RPH3AL: variants seen among roughly 807,000 people sequenced by gnomAD.
RPH3AL encodes the protein rab effector Noc2.
Under a neutral mutation model 43.1 loss-of-function variants are expected in RPH3AL, and 38 were observed. The observed-to-expected ratio is 0.88, with a 90% CI of 0.68 to 1.15. RPH3AL has a LOEUF of 1.15. RPH3AL is among the 50% of genes most tolerant of loss of function. RPH3AL has a pLI of 0.00. For synonymous variants in RPH3AL, 189 were observed against 176.3 expected (o/e 1.07, Z -0.57); for missense variants, 462 against 423.2 (o/e 1.09, Z -0.81).
intron 6 of RPH3AL, among the ~76,000 whole-genome samples, chr17:268,422 A>C (rs1281184839): frequency 1.3e-5 from 2 of 152,150 alleles, no homozygotes; most frequent in Non-Finnish European, 2.9e-5. Flanking sequence ...AATATAGTAT[A>C]TAATGCATAT....
rs1326464240 is a variant in RPH3AL at position 246,713 on chromosome 17, G to A, written c.613+398C>T. On this transcript the variant is annotated intron_variant, in intron 7 of 9. Coordinates refer to ENST00000331302, the MANE Select transcript of RPH3AL (RefSeq NM_006987.4). The surrounding 1 kb of genome is among the most constrained non-coding windows in gnomAD (Gnocchi z 4.8). ...GGGAAGCCAGGAGTCCTCCCTTACC[G>A]AGACACAAGGCAAGTGCCAGGAAGA... 3.3e-5 allele frequency among the ~76,000 whole-genome samples: 5 copies of A among 152,148 alleles called. No individual in the cohort carries two copies. Among genetic ancestry groups the A allele is most frequent in the African/African-American group, 4.8e-5 (2 of 41,456 alleles).
intron 5 of RPH3AL, among the ~76,000 whole-genome samples, chr17:316,334 C>T (rs1190015943): frequency 6.6e-6 from 1 of 151,374 alleles, no homozygotes; most frequent in Non-Finnish European, 1.5e-5. Context: ...TGCTCCACCT[C>T]CACTGACCTG....
intron 5 of RPH3AL, among the ~76,000 whole-genome samples, chr17:316,233 GC>G (rs113721334): frequency 0.043 from 2,283 of 52,538 alleles, 52 homozygotes; most frequent in Middle Eastern, 0.095. Flanking sequence ...TAGTCCCTGT[GC>G]CCCCACCTCC....
At chr17:311,645 A>G (rs9905262) in intron 5 of RPH3AL, among the ~76,000 whole-genome samples, 118,918 of 152,210 alleles carry the variant, frequency 0.78, 46,594 homozygotes, top group Non-Finnish European at 0.8. Flanking sequence ...CGAAGCGATC[A>G]AGAAAGACAT....
At chr17:324,698 G>T (rs72806075) in intron 3 of RPH3AL, among the ~76,000 whole-genome samples, 11,664 of 130,616 alleles carry the variant, frequency 0.089, 560 homozygotes, top group African/African-American at 0.16. Context: ...TATCTAGCTA[G>T]CTAGCTATGT....
chr17:321,789 C>T (rs1176424571), intron 3 of RPH3AL, among the ~76,000 whole-genome samples: 1 of 152,038 alleles, frequency 6.6e-6, no homozygotes, highest in Non-Finnish European at 1.5e-5. Context: ...CTCCAAGCGC[C>T]AGCCCTGCCA....
chr17:280,984 G>A lies in RPH3AL; in HGVS notation c.438+784C>T, dbSNP rs145791503. On this transcript the variant is annotated intron_variant, in intron 6 of 9. Transcript: ENST00000331302. ...TGGAAGACCAGCTGCACGCCTCCTC[G>A]CCCCTCACATTCTGTCCCAGCCCTG... 4.6e-5 allele frequency among the ~76,000 whole-genome samples: 7 copies of A among 152,224 alleles called. No homozygotes were observed. The East Asian group carries it at 9.7e-4, about 21-fold the overall frequency.
chr17:307,113 G>A (rs1232644770), intron 5 of RPH3AL, among the ~76,000 whole-genome samples: 1 of 151,350 alleles, frequency 6.6e-6, no homozygotes, highest in Non-Finnish European at 1.5e-5. Flanking sequence ...TCCCATGGCA[G>A]GCCTGTCCCA....
intron 5 of RPH3AL, among the ~76,000 whole-genome samples, chr17:313,807 C>A (rs2043721472): frequency 6.6e-6 from 1 of 152,288 alleles, no homozygotes; most frequent in South Asian, 2.1e-4. Flanking sequence ...GAACGAATGA[C>A]ACCACCTTCT....
chr17:314,994 T>C (rs866649657), intron 5 of RPH3AL, among the ~76,000 whole-genome samples: 134 of 106,064 alleles, frequency 1.3e-3, no homozygotes, highest in African/African-American at 4.0e-3. Context: ...CCCACCTCCA[T>C]TGACCTGTAG....
chr17:315,321 C>G (rs536670525), intron 5 of RPH3AL, among the ~76,000 whole-genome samples: 263 of 152,238 alleles, frequency 1.7e-3, no homozygotes, highest in African/African-American at 5.8e-3. Context: ...CCCTGTGACC[C>G]CACCTCCACT....
Position 246,560 on chromosome 17 carries a change from A to T in RPH3AL, c.613+551T>A, listed in dbSNP as rs1458922287. ...TCAAAGCATCATGAAAGCTGCGGAG[A>T]ACGGTCCACAACCAGGCGCCCCCAT... On this transcript the variant is annotated intron_variant, in intron 7 of 9. Transcript: ENST00000331302. This position sits in a 1 kb window ranked among gnomAD's most constrained non-coding sequence, Gnocchi z 4.8. 6.6e-6 allele frequency among the ~76,000 whole-genome samples: 1 copy of T among 152,202 alleles called. No homozygotes were observed. Among genetic ancestry groups the T allele is most frequent in the Non-Finnish European group, 1.5e-5 (1 of 68,036 alleles).
intron 5 of RPH3AL, among the ~76,000 whole-genome samples, chr17:314,870 T>G (rs1160530616): frequency 6.7e-6 from 1 of 149,302 alleles, no homozygotes; most frequent in African/African-American, 2.5e-5. Flanking sequence ...GTGCCCCACC[T>G]CCATTGACCT....
intron 6 of RPH3AL, among the ~76,000 whole-genome samples, chr17:262,372 G>T (rs1447132109): frequency 6.6e-6 from 1 of 151,962 alleles, no homozygotes; most frequent in South Asian, 2.1e-4. Context: ...CCCGCCACCA[G>T]GCCCGGCTAA....
chr17:239,783 C>T (rs994635749), intron 7 of RPH3AL, among the ~76,000 whole-genome samples: 2 of 152,252 alleles, frequency 1.3e-5, no homozygotes, highest in Middle Eastern at 3.4e-3. Flanking sequence ...TGTGCCACCA[C>T]ACCTGGCTAA....
rs528287300 is a variant in RPH3AL, at chr17:247,164, C to T, written c.560G>A (p.Arg187Gln). The T allele has an allele frequency of 1.2e-5, 19 of 1,614,104 alleles. No homozygotes were observed. Among genetic ancestry groups the T allele is most frequent in the Middle Eastern group, 1.7e-4 (1 of 6,056 alleles). The change falls in exon 7 of 10, where the codon CGA becomes CAA. Residue 187 changes from arginine (R) to glutamine (Q), a missense_variant. Arg to Gln is a conservative substitution (Grantham distance 43, BLOSUM62 1). Transcript: ENST00000331302. The stretch of plus-strand genomic sequence containing the variant: ...GCTGGTCTCAGAGCTTCTGGGCTCT[C>T]GCTCTGCCGGTTCCGTGGGCAAAGG... ...FRPLPTEPAE[R>Q]EPRSSETSRI...
intron 5 of RPH3AL, among the ~76,000 whole-genome samples, chr17:297,835 C>T (rs527927132): frequency 3.3e-5 from 5 of 152,260 alleles, no homozygotes; most frequent in South Asian, 2.1e-4. Context: ...AAGGGCATTC[C>T]GCAAACACTT....
intron 7 of RPH3AL, among the ~76,000 whole-genome samples, chr17:235,751 A>T (rs151130971): frequency 0.037 from 3,295 of 88,764 alleles, 11 homozygotes; most frequent in Middle Eastern, 0.074. Context: ...AGACGGATCC[A>T]GGGTTCAAAG....
chr17:264,589 T>C lies in RPH3AL; in HGVS notation c.438+17179A>G, dbSNP rs1359866772. 6.6e-6 allele frequency among the ~76,000 whole-genome samples: 1 copy of C among 152,202 alleles called. No individual in the cohort carries two copies. ...GTGTGTGACCACTGCATGGTGGTTT[T>C]CCGCTGATCGGTGTGAGGAGGGCAT... On this transcript the variant is annotated intron_variant, in intron 6 of 9. Coordinates refer to ENST00000331302, the MANE Select transcript of RPH3AL (RefSeq NM_006987.4). The surrounding 1 kb of genome is among the most constrained non-coding windows in gnomAD (Gnocchi z 4.8).
Sources: gnomAD v4.1 joint callset for allele counts (sites outside exome capture counted in the v4.1 genomes callset) on GRCh38, gnomAD v4.1.1 for gene constraint, Gnocchi (gnomAD v3.1) non-coding constraint, MANE v1.5 for transcripts, NCBI Gene and HGNC (gene_info 2026-07-23, HGNC 2026-07-21) for gene names.